CREBBP: variants seen among roughly 807,000 people sequenced by gnomAD.
The protein encoded by CREBBP is CREB-binding protein.
Under a neutral mutation model 265.0 loss-of-function variants are expected in CREBBP, and 19 were observed. The ratio of observed to expected loss-of-function variants is 0.07; its 90% CI spans 0.05 to 0.11. The LOEUF (loss-of-function observed/expected upper bound fraction) is 0.11. Among genes scored for constraint, CREBBP ranks in the 10% least tolerant of loss-of-function variants. The pLI, the probability that CREBBP is intolerant of heterozygous loss-of-function variation, is 1.00. For synonymous variants in CREBBP, 1,457 were observed against 1,223.7 expected, an observed-to-expected ratio of 1.19 and a Z score of -3.98; for missense variants, 2,525 against 3,219.0, an observed-to-expected ratio of 0.78 and a Z score of 5.22.
At chr16:3,804,247 C>CT (rs1395421638) in intron 3 of CREBBP, among the ~76,000 whole-genome samples, 2 of 152,068 alleles carry the variant, frequency 1.3e-5, no homozygotes, top group Non-Finnish European at 2.9e-5. Flanking sequence ...TTACTAAAAA[C>CT]TTAAAGTTTT....
At chr16:3,761,494 G>A in intron 16 of CREBBP, 3 of 515,510 alleles carry the variant, frequency 5.8e-6, no homozygotes, top group Non-Finnish European at 1.2e-5. Context: ...GTGTTTAACA[G>A]GCTCACTTTA....
At chr16:3,765,895 G>A (rs919775033) in intron 16 of CREBBP, among the ~76,000 whole-genome samples, 1 of 151,946 alleles carries the variant, frequency 6.6e-6, no homozygotes, top group Non-Finnish European at 1.5e-5. Context: ...GAGTGCAGTG[G>A]TGCAATCATA....
rs760542561 is a variant in CREBBP at position 3,859,987 on chromosome 16, AG to A, written c.86-8979del. ...CCCATTTATAGCCAGTCAGAAGCAC[AG>A]GTAAAACAACTTGGGGCTTGCAAAT... On this transcript the variant is annotated intron_variant, in intron 1 of 30. Transcript: ENST00000262367. Among the ~76,000 whole-genome samples the A allele has an allele frequency of 1.6e-4, 24 of 152,210 alleles. 1 individual carries two copies. Among genetic ancestry groups the A allele is most frequent in the Non-Finnish European group, 3.1e-4 (21 of 68,034 alleles).
chr16:3,729,214 G>T lies in CREBBP; in HGVS notation c.5833C>A (p.Pro1945Thr). Reference protein sequence around the residue: ...TGKPTSQVPAPPPPAQPPPAA... With the variant: ...TGKPTSQVPATPPPAQPPPAA... Reference sequence around the variant, plus strand: ...GGAGGGGGCTGGGCCGGGGGTGGGGGGGCCGGCACCTGGCTGGTAGGCTTC... The same window carrying T: ...GGAGGGGGCTGGGCCGGGGGTGGGGTGGCCGGCACCTGGCTGGTAGGCTTC... Residue 1945 changes from proline to threonine, a missense_variant, in exon 31 of 31, where the codon CCC becomes ACC. By Grantham distance (38) the Pro-to-Thr change is conservative (BLOSUM62 -1). Around this residue, in one of 19 missense-constraint regions of CREBBP, gnomAD observed 275 missense variants for 276.5 expected, o/e 0.99. Transcript: ENST00000262367. 6.5e-7 allele frequency: 1 copy of T among 1,529,548 alleles called. No individual in the cohort carries two copies. The highest frequency in any genetic ancestry group is 8.7e-7 in the Non-Finnish European group (1 of 1,143,608). 94.7% of individuals were successfully genotyped at this position (1,529,548 alleles called of 1,614,324 possible). A position where few individuals can be genotyped will look rare whatever the true frequency, so the allele number is the denominator to read the frequency against.
chr16:3,803,780 C>T (rs2053773570), intron 3 of CREBBP, among the ~76,000 whole-genome samples: 1 of 151,530 alleles, frequency 6.6e-6, no homozygotes, highest in Non-Finnish European at 1.5e-5. Flanking sequence ...TGTTACAGCA[C>T]AAAGAAAACC....
At chr16:3,851,860 C>CAAAAA (rs1159688899) in intron 1 of CREBBP, among the ~76,000 whole-genome samples, 16 of 28,962 alleles carry the variant, frequency 5.5e-4, no homozygotes, top group African/African-American at 9.8e-4. Flanking sequence ...GACTCCGTCT[C>CAAAAA]AAAAAAAAAA....
intron 2 of CREBBP, among the ~76,000 whole-genome samples, chr16:3,844,874 A>G (rs538388512): frequency 2.6e-5 from 4 of 152,276 alleles, no homozygotes; most frequent in African/African-American, 9.6e-5. Flanking sequence ...CCAGAAATAA[A>G]CTTAGTAAGA....
chr16:3,867,493 A>G (rs2055199775), intron 1 of CREBBP, among the ~76,000 whole-genome samples: 1 of 152,160 alleles, frequency 6.6e-6, no homozygotes, highest in Non-Finnish European at 1.5e-5. Flanking sequence ...CTCCGTCTCA[A>G]ACAAAAAACA....
rs1487619883 is a variant in CREBBP, at chr16:3,850,601, C to T, written c.494G>A (p.Ser165Asn). 1 of 1,614,258 alleles carries T rather than the reference C, an allele frequency of 6.2e-7. No individual in the cohort carries two copies. The highest frequency in any genetic ancestry group is 8.5e-7 in the Non-Finnish European group (1 of 1,180,052). The change falls in exon 2 of 31, where the codon AGC (serine) becomes AAC (asparagine). Residue 165 changes from serine to asparagine, a missense_variant. By Grantham distance (46) the Ser-to-Asn change is conservative. Around this residue, in one of 19 missense-constraint regions of CREBBP, gnomAD observed 356 missense variants for 340.4 expected, o/e 1.05. Transcript: ENST00000262367. ...AQKQVGLATSSPATSQTGPGI... is the reference protein window; with the variant it reads ...AQKQVGLATSNPATSQTGPGI... ...AGGTCCAGTCTGTGACGTGGCAGGG[C>T]TGCTAGTCGCCAGCCCCACTTGCTT... is the stretch of plus-strand genomic sequence containing the variant.
intron 2 of CREBBP, among the ~76,000 whole-genome samples, chr16:3,814,279 G>A (rs909291809): frequency 6.9e-6 from 1 of 145,386 alleles, no homozygotes; most frequent in Non-Finnish European, 1.5e-5. Flanking sequence ...GTTTGAGACA[G>A]AGTCTCGTTC....
intron 3 of CREBBP, among the ~76,000 whole-genome samples, chr16:3,797,486 C>T (rs866384985): frequency 2.6e-5 from 4 of 152,026 alleles, no homozygotes; most frequent in Admixed American, 2.0e-4. Context: ...TATACACACA[C>T]CTATGATAAA....
At chr16:3,858,862 T>A (rs958870004) in intron 1 of CREBBP, among the ~76,000 whole-genome samples, 1 of 152,202 alleles carries the variant, frequency 6.6e-6, no homozygotes, top group Non-Finnish European at 1.5e-5. Flanking sequence ...AACCCTAGAA[T>A]TGATACACAG....
At chr16:3,864,994 G>A (rs950871928) in intron 1 of CREBBP, among the ~76,000 whole-genome samples, 4 of 152,236 alleles carry the variant, frequency 2.6e-5, no homozygotes, top group African/African-American at 4.8e-5. Context: ...GAGAGGTGGA[G>A]GCTGCAGTGA....
At chr16:3,861,486 G>T (rs2055071835) in intron 1 of CREBBP, among the ~76,000 whole-genome samples, 1 of 152,132 alleles carries the variant, frequency 6.6e-6, no homozygotes, top group Non-Finnish European at 1.5e-5. Flanking sequence ...GCACTCCAGG[G>T]TTGGTACAGA....
intron 2 of CREBBP, among the ~76,000 whole-genome samples, chr16:3,822,789 G>A (rs1010377705): frequency 6.6e-6 from 1 of 152,214 alleles, no homozygotes; most frequent in African/African-American, 2.4e-5. Context: ...AATTAGCAAA[G>A]TAAAGTGCTC....
intron 16 of CREBBP, among the ~76,000 whole-genome samples, chr16:3,764,151 T>G (rs921003693): frequency 7.9e-5 from 12 of 152,206 alleles, no homozygotes; most frequent in Middle Eastern, 3.2e-3. Flanking sequence ...TTCTTTTTTT[T>G]GGGTAGAGAT....
At chr16:3,756,022 G>A (rs985870773) in intron 19 of CREBBP, among the ~76,000 whole-genome samples, 5 of 151,670 alleles carry the variant, frequency 3.3e-5, no homozygotes, top group South Asian at 2.1e-4. Flanking sequence ...TCTTGAATAT[G>A]GATTTTTAAA....
chr16:3,728,076 T>G lies in CREBBP; in HGVS notation c.6971A>C (p.Gln2324Pro), dbSNP rs2151300107. The change falls in exon 31 of 31, where the codon CAG becomes CCG. Residue 2324 changes from glutamine (Q) to proline (P), a missense_variant. By Grantham distance (76) the Gln-to-Pro change is moderately conservative. This residue lies in a region of CREBBP where 473 missense variants were observed against 459.3 expected (regional missense o/e 1.03). Coordinates refer to ENST00000262367, the MANE Select transcript of CREBBP (RefSeq NM_004380.3). This position sits in a 1 kb window ranked among gnomAD's most constrained non-coding sequence, Gnocchi z 8.7. ...GCCAGGGAGATGCGAGGCCTGTGGC[T>G]GTCCTGAGAGCATGTGTTGCTGGGG... is the stretch of plus-strand genomic sequence containing the variant. Reference protein sequence around the residue: ...MSPQQHMLSGQPQASHLPGQQ... With the variant: ...MSPQQHMLSGPPQASHLPGQQ... 20 of 1,614,100 alleles carry G rather than the reference T, an allele frequency of 1.2e-5. No homozygotes were observed. The highest frequency in any genetic ancestry group is 1.7e-5 in the Non-Finnish European group (20 of 1,179,968).
At chr16:3,784,045 C>T (rs1387086997) in intron 5 of CREBBP, among the ~76,000 whole-genome samples, 1 of 152,098 alleles carries the variant, frequency 6.6e-6, no homozygotes, top group East Asian at 1.9e-4. Flanking sequence ...TTTTTGAGTT[C>T]CTTTCTAACT....
Sources: gnomAD v4.1 joint callset for allele counts (sites outside exome capture counted in the v4.1 genomes callset) on GRCh38, gnomAD v4.1.1 for gene constraint, gnomAD v4.1.1 regional missense constraint, Gnocchi (gnomAD v3.1) non-coding constraint, MANE v1.5 for transcripts, NCBI Gene and HGNC (gene_info 2026-07-23, HGNC 2026-07-21) for gene names.